The following VPS16 variants were observed in gnomAD, a reference collection of about 807,000 sequenced individuals.
VPS16 encodes the protein vacuolar protein sorting-associated protein 16 homolog.
VPS16 carries 82 observed loss-of-function variants against 116.0 expected under a neutral mutation model. The observed-to-expected ratio is 0.71, with a 90% CI of 0.59 to 0.85. The LOEUF is 0.85. Ranked by LOEUF, VPS16 falls within the 40% of genes least tolerant of loss-of-function variation. The pLI is 0.00. For synonymous variants in VPS16, 406 were observed against 420.7 expected (o/e 0.96, Z 0.43); for missense variants, 928 against 1,090.6 (o/e 0.85, Z 2.10).
intron 1 of VPS16, among the ~76,000 whole-genome samples, chr20:2,849,168 T>G (rs1296549628): frequency 6.6e-6 from 1 of 152,210 alleles, no homozygotes; most frequent in African/African-American, 2.4e-5. Flanking sequence ...TCTCATTGTT[T>G]CCTATCAGTA....
Position 2,862,568 on chromosome 20 carries a change from C to T in VPS16, c.1072-11C>T. On this transcript the variant is annotated splice_polypyrimidine_tract_variant and intron_variant, in intron 11 of 23. Coordinates refer to ENST00000380445, the MANE Select transcript of VPS16 (RefSeq NM_022575.4). Reference sequence around the variant, plus strand: ...GTCATGATGCCCTGGCTCTGGACTGCTCCCCACCAGAAAGAGAGCCAGAAG... The same window carrying T: ...GTCATGATGCCCTGGCTCTGGACTGTTCCCCACCAGAAAGAGAGCCAGAAG... 1.9e-6 allele frequency: 3 copies of T among 1,612,108 alleles called. No individual in the cohort carries two copies. Among genetic ancestry groups the T allele is most frequent in the Non-Finnish European group, 1.7e-6 (2 of 1,179,228 alleles).
At chr20:2,851,810 A>T (rs963773636) in intron 1 of VPS16, among the ~76,000 whole-genome samples, 1 of 152,202 alleles carries the variant, frequency 6.6e-6, no homozygotes, top group Non-Finnish European at 1.5e-5. Flanking sequence ...TCTACTAAAA[A>T]TACAAAAAAA....
chr20:2,851,664 A>G (rs547781865), intron 1 of VPS16, among the ~76,000 whole-genome samples: 1 of 148,086 alleles, frequency 6.8e-6, no homozygotes, highest in African/African-American at 2.5e-5. Flanking sequence ...CTCCGTCTCA[A>G]AAAAAAAAAA....
At chr20:2,844,466 T>C (rs2089039241) in intron 1 of VPS16, among the ~76,000 whole-genome samples, 1 of 152,150 alleles carries the variant, frequency 6.6e-6, no homozygotes, top group Non-Finnish European at 1.5e-5. Context: ...AAAATGCAAC[T>C]TGGGCTAATC....
At position 2,865,563 on chromosome 20, in the gene VPS16, G is replaced by T; in HGVS notation, c.2271+68G>T. 1 of 1,454,580 alleles carries T rather than the reference G, an allele frequency of 6.9e-7. No individual in the cohort carries two copies. 90.1% of individuals were successfully genotyped at this position (1,454,580 alleles called of 1,614,324 possible). ...GTCTTCGGGAGAGAGGGCTAGGCAG[G>T]GAGACAGATAGGATGGCCCGTTCAT... is the stretch of plus-strand genomic sequence containing the variant. On this transcript the variant is annotated intron_variant, in intron 22 of 23. Coordinates refer to ENST00000380445, the MANE Select transcript of VPS16 (RefSeq NM_022575.4). This position sits in a 1 kb window ranked among gnomAD's most constrained non-coding sequence, Gnocchi z 5.2.
Position 2,860,930 on chromosome 20 carries a change from A to T in VPS16, c.631-40A>T. 19 of 1,614,040 alleles carry T rather than the reference A, an allele frequency of 1.2e-5. No individual in the cohort carries two copies. Among genetic ancestry groups the T allele is most frequent in the Non-Finnish European group, 1.6e-5 (19 of 1,180,024 alleles). On this transcript the variant is annotated intron_variant, in intron 6 of 23. Coordinates refer to ENST00000380445, the MANE Select transcript of VPS16 (RefSeq NM_022575.4). This position sits in a 1 kb window ranked among gnomAD's most constrained non-coding sequence, Gnocchi z 6.1. Reference sequence around the variant, plus strand: ...GGCAATAGGGAGGTTCTGAAAAGTCAGTATGTATCTGTCCCACCCCTACCC... The same window carrying T: ...GGCAATAGGGAGGTTCTGAAAAGTCTGTATGTATCTGTCCCACCCCTACCC...
At chr20:2,854,152 T>TA (rs2089148430) in intron 1 of VPS16, among the ~76,000 whole-genome samples, 1 of 151,980 alleles carries the variant, frequency 6.6e-6, no homozygotes, top group Non-Finnish European at 1.5e-5. Flanking sequence ...TGCACACCTG[T>TA]AAGACCAGCA....
rs2089050604 is a variant in VPS16 at position 2,845,574 on chromosome 20, A to G, written c.53+4747A>G. On this transcript the variant is annotated intron_variant, in intron 1 of 23. Coordinates refer to ENST00000380445, the MANE Select transcript of VPS16 (RefSeq NM_022575.4). ...GTGGCACGCACATGTAATCCCAGCAACTTGGGAGGCTGAAAAAAAAAAAGA... is the reference window on the plus strand; with the variant it reads ...GTGGCACGCACATGTAATCCCAGCAGCTTGGGAGGCTGAAAAAAAAAAAGA... 3.3e-5 allele frequency among the ~76,000 whole-genome samples: 5 copies of G among 151,902 alleles called. No homozygotes were observed. In the South Asian group the frequency reaches 1.0e-3, roughly 32 times the overall value.
At chr20:2,862,016 C>T in intron 10 of VPS16, 38 bp from the exon 11 acceptor site, 1 of 1,611,490 alleles carries the variant, frequency 6.2e-7, no homozygotes, top group Non-Finnish European at 8.5e-7. Context: ...TGAGGGTTTC[C>T]CTGCCTTTCT....
At chr20:2,847,356 G>T (rs1413441828) in intron 1 of VPS16, among the ~76,000 whole-genome samples, 1 of 152,058 alleles carries the variant, frequency 6.6e-6, no homozygotes, top group Non-Finnish European at 1.5e-5. Flanking sequence ...TGGCTTCATG[G>T]TTCTATGACC....
At position 2,864,974 on chromosome 20, in the gene VPS16, A is replaced by G; in HGVS notation, c.1927-4A>G. The G allele has an allele frequency of 1.9e-6, 3 of 1,614,114 alleles. No individual in the cohort carries two copies. The highest frequency in any genetic ancestry group is 2.5e-6 in the Non-Finnish European group (3 of 1,180,004). On this transcript the variant is annotated splice_region_variant and splice_polypyrimidine_tract_variant and intron_variant, in intron 19 of 23. Coordinates refer to ENST00000380445, the MANE Select transcript of VPS16 (RefSeq NM_022575.4). The surrounding 1 kb of genome is among the most constrained non-coding windows in gnomAD (Gnocchi z 5.2). The stretch of plus-strand genomic sequence containing the variant: ...AGTTCAGGCCTTCCTTCTTGTCTTT[A>G]TAGCGTATTGAGGGGCGAGTAGCAG...
In VPS16 at chr20:2,863,288, A is replaced by G. The variant is rs1481069259; in HGVS notation, c.1368-2A>G. ...GTATCCTTTACCCACCGGGTCTACCAGGCTCGTGTTGCGGAGACTTTACCC... is the reference window on the plus strand; with the variant it reads ...GTATCCTTTACCCACCGGGTCTACCGGGCTCGTGTTGCGGAGACTTTACCC... On this transcript the variant is annotated splice_acceptor_variant, in intron 14 of 23. Coordinates refer to ENST00000380445, the MANE Select transcript of VPS16 (RefSeq NM_022575.4). LOFTEE classifies it high-confidence loss of function. This position sits in a 1 kb window ranked among gnomAD's most constrained non-coding sequence, Gnocchi z 4.4. The G allele has an allele frequency of 1.9e-6, 3 of 1,614,070 alleles. No homozygotes were observed.
rs1209159489 is a variant in VPS16, at chr20:2,861,289, G to A, written c.809+9G>A. ...CCAAAGCAGATGGTCTGGTAAGGAT[G>A]GGGGTGTTATTGCTGGGGGTGTGGG... On this transcript the variant is annotated intron_variant, in intron 8 of 23. Coordinates refer to ENST00000380445, the MANE Select transcript of VPS16 (RefSeq NM_022575.4). The A allele has an allele frequency of 6.2e-7, 1 of 1,614,024 alleles. No homozygotes were observed. Among genetic ancestry groups the A allele is most frequent in the Non-Finnish European group, 8.5e-7 (1 of 1,180,014 alleles).
chr20:2,851,167 A>G (rs2089116577), intron 1 of VPS16, among the ~76,000 whole-genome samples: 1 of 152,144 alleles, frequency 6.6e-6, no homozygotes, highest in African/African-American at 2.4e-5. Flanking sequence ...GAGCTGGTCT[A>G]TAATATCAGA....
intron 1 of VPS16, among the ~76,000 whole-genome samples, chr20:2,847,431 C>G (rs1461322215): frequency 3.3e-5 from 5 of 151,196 alleles, no homozygotes; most frequent in Non-Finnish European, 7.4e-5. Context: ...CCCTTGTGCT[C>G]ATCCAGAACT....
intron 1 of VPS16, among the ~76,000 whole-genome samples, chr20:2,850,308 G>A (rs1401794504): frequency 6.6e-6 from 1 of 151,866 alleles, no homozygotes; most frequent in Non-Finnish European, 1.5e-5. Context: ...TGGGCAACAA[G>A]AGCGAAACTC....
intron 2 of VPS16, 60 bp downstream of exon 2, chr20:2,859,867 A>G (rs2089208638): frequency 6.4e-7 from 1 of 1,558,136 alleles, no homozygotes. Flanking sequence ...AAGGTCCTTG[A>G]TTCCTGGGGC....
Position 2,842,662 on chromosome 20 carries a change from A to C in VPS16, c.53+1835A>C, listed in dbSNP as rs796588896. Among the ~76,000 whole-genome samples, 19 of 93,816 alleles carry C rather than the reference A, an allele frequency of 2.0e-4. 1 individual carries two copies. Among genetic ancestry groups the C allele is most frequent in the African/African-American group, 4.2e-4 (8 of 18,862 alleles). The allele number at this position is 93,816 out of a possible 152,430, so 61.5% of individuals were successfully genotyped here. The stretch of plus-strand genomic sequence containing the variant: ...TAGATAGATAGATATAGATAGATAT[A>C]TAGATGTATCTATATATATATAGAT... On this transcript the variant is annotated intron_variant, in intron 1 of 23. Coordinates refer to ENST00000380445, the MANE Select transcript of VPS16 (RefSeq NM_022575.4).
intron 1 of VPS16, among the ~76,000 whole-genome samples, chr20:2,850,159 T>C (rs1265873804): frequency 2.6e-5 from 4 of 151,860 alleles, no homozygotes; most frequent in African/African-American, 9.7e-5. Flanking sequence ...CCATCTCTAA[T>C]AAAAATACAA....
Sources: gnomAD v4.1 joint callset for allele counts (sites outside exome capture counted in the v4.1 genomes callset) on GRCh38, gnomAD v4.1.1 for gene constraint, Gnocchi (gnomAD v3.1) non-coding constraint, MANE v1.5 for transcripts, NCBI Gene and HGNC (gene_info 2026-07-23, HGNC 2026-07-21) for gene names.